The following SHC3 variants were observed in gnomAD, a reference collection of about 807,000 sequenced individuals.
SHC3 encodes the protein SHC adaptor protein 3.
SHC3 carries 15 observed loss-of-function variants against 60.4 expected under a neutral mutation model. The ratio of observed to expected loss-of-function variants is 0.25; its 90% CI spans 0.17 to 0.38. The LOEUF (loss-of-function observed/expected upper bound fraction) is 0.38, where lower values mean the gene tolerates loss of function less well. SHC3 is among the 10% of genes least tolerant of loss of function. SHC3 has a pLI of 1.00. For synonymous variants in SHC3, 294 were observed against 325.9 expected (o/e 0.90, Z 1.05); for missense variants, 677 against 786.1 (o/e 0.86, Z 1.66).
intron 6 of SHC3, among the ~76,000 whole-genome samples, chr9:89,054,035 G>A (rs894193700): frequency 6.6e-6 from 1 of 152,042 alleles, no homozygotes; most frequent in Admixed American, 6.6e-5. Flanking sequence ...AGGGTAGCCT[G>A]TTTTTTTTAA....
At chr9:89,124,004 T>C (rs997058247) in intron 1 of SHC3, among the ~76,000 whole-genome samples, 1 of 152,182 alleles carries the variant, frequency 6.6e-6, no homozygotes, top group East Asian at 1.9e-4. Flanking sequence ...TAAGCAATCA[T>C]TCAATTGTAG....
intron 6 of SHC3, among the ~76,000 whole-genome samples, chr9:89,064,160 C>A (rs1054889948): frequency 2.6e-5 from 4 of 152,212 alleles, no homozygotes; most frequent in African/African-American, 9.6e-5. Context: ...AAGACATCAC[C>A]TTCAATTGGG....
chr9:89,080,199 T>C (rs1825421970), intron 2 of SHC3, among the ~76,000 whole-genome samples: 4 of 152,226 alleles, frequency 2.6e-5, no homozygotes. Context: ...CTTTATGTAG[T>C]TCCACTTAAT....
chr9:89,110,360 G>A lies in SHC3; in HGVS notation c.545+2196C>T, dbSNP rs892867319. ...AGTGCCTTTGGAAACCAGTTTTCCT[G>A]GTGCCTGTATAATATAACTTAATTA... is the stretch of plus-strand genomic sequence containing the variant. On this transcript the variant is annotated intron_variant, in intron 2 of 11. Transcript: ENST00000375835. The A allele has an allele frequency of 8.1e-6, 8 of 984,868 alleles. 1 individual carries two copies. The African/African-American group carries it at 1.4e-4, about 17-fold the overall frequency. The allele number at this position is 984,868 out of a possible 1,614,324, so 61.0% of individuals were successfully genotyped here.
At chr9:89,171,333 G>A (rs1282744998) in intron 1 of SHC3, among the ~76,000 whole-genome samples, 1 of 151,962 alleles carries the variant, frequency 6.6e-6, no homozygotes, top group Non-Finnish European at 1.5e-5. Flanking sequence ...TCAGTAGATT[G>A]CCAAACAATT....
intron 1 of SHC3, among the ~76,000 whole-genome samples, chr9:89,164,238 A>T (rs1162827664): frequency 6.6e-6 from 1 of 152,180 alleles, no homozygotes; most frequent in Non-Finnish European, 1.5e-5. Flanking sequence ...ATAGAGTCTC[A>T]CTTCATATGG....
chr9:89,110,042 T>C, intron 2 of SHC3: 1 of 985,452 alleles, frequency 1.0e-6, no homozygotes, highest in East Asian at 1.1e-4. Flanking sequence ...GATAAATTTC[T>C]CCTCAGAACC....
chr9:89,070,966 T>G (rs1825260583), intron 5 of SHC3, among the ~76,000 whole-genome samples: 1 of 152,168 alleles, frequency 6.6e-6, no homozygotes, highest in South Asian at 2.1e-4. Flanking sequence ...CCTCCAGGAT[T>G]TTTGACAGCT....
In SHC3 at chr9:89,008,793, C is replaced by T. The variant is rs958785550; in HGVS notation, c.*4654G>A. Reference sequence around the variant, plus strand: ...GTCAGCTCTGTCTCTCGGGGTTCCCCGGTGGGATTCAGCTCCAGTTGTGCA... The same window carrying T: ...GTCAGCTCTGTCTCTCGGGGTTCCCTGGTGGGATTCAGCTCCAGTTGTGCA... On this transcript the variant is annotated 3_prime_UTR_variant, in exon 12 of 12. Transcript: ENST00000375835. 3.3e-5 allele frequency: 5 copies of T among 152,184 alleles called. No individual in the cohort carries two copies. The highest frequency in any genetic ancestry group is 9.7e-5 in the African/African-American group (4 of 41,448). The allele number at this position is 152,184 out of a possible 1,614,324, so 9.4% of individuals were successfully genotyped here. A position where few individuals can be genotyped will look rare whatever the true frequency, so the allele number is the denominator to read the frequency against.
At chr9:89,024,269 ATTTG>A (rs1378907977) in intron 11 of SHC3, among the ~76,000 whole-genome samples, 2 of 151,890 alleles carry the variant, frequency 1.3e-5, no homozygotes, top group African/African-American at 4.8e-5. Context: ...TTATTTATGG[ATTTG>A]TTTATTTTTA....
chr9:89,131,255 G>C (rs1328691286), intron 1 of SHC3, among the ~76,000 whole-genome samples: 1 of 152,108 alleles, frequency 6.6e-6, no homozygotes, highest in Non-Finnish European at 1.5e-5. Context: ...CTGAAATTGA[G>C]GCAATTATTA....
Position 89,006,530 on chromosome 9 carries a change from C to CT in SHC3, c.*6916dup, listed in dbSNP as rs911835803. The CT allele has an allele frequency of 4.6e-5, 7 of 152,192 alleles. No individual in the cohort carries two copies. The highest frequency in any genetic ancestry group is 1.7e-4 in the African/African-American group (7 of 41,446). 9.4% of individuals were successfully genotyped at this position (152,192 alleles called of 1,614,324 possible). On this transcript the variant is annotated 3_prime_UTR_variant, in exon 12 of 12. Transcript: ENST00000375835. ...CAAGACATAGACTGTTACAGTAATT[C>CT]TTTTTGTTTCACAAAAGTTAATGGA...
intron 8 of SHC3, among the ~76,000 whole-genome samples, chr9:89,046,545 T>C (rs997953220): frequency 1.3e-5 from 2 of 152,180 alleles, no homozygotes; most frequent in African/African-American, 4.8e-5. Flanking sequence ...TTAAATTCTC[T>C]CTTTCCCTCA....
chr9:89,162,552 G>A (rs1587763895), intron 1 of SHC3, among the ~76,000 whole-genome samples: 1 of 152,178 alleles, frequency 6.6e-6, no homozygotes, highest in African/African-American at 2.4e-5. Context: ...GTAGAAAGCT[G>A]AAACTGGATC....
At position 89,008,921 on chromosome 9, in the gene SHC3, C is replaced by G. The variant is rs1203919391; in HGVS notation, c.*4526G>C. The stretch of plus-strand genomic sequence containing the variant: ...AATAAACTACATAACCTCAAGTCCT[C>G]TCTCAGGGTCTCCTTCTGGAGGAAC... On this transcript the variant is annotated 3_prime_UTR_variant, in exon 12 of 12. Transcript: ENST00000375835. 6.6e-6 allele frequency: 1 copy of G among 152,210 alleles called. No individual in the cohort carries two copies. The highest frequency in any genetic ancestry group is 1.5e-5 in the Non-Finnish European group (1 of 68,040). 9.4% of individuals were successfully genotyped at this position (152,210 alleles called of 1,614,324 possible).
At chr9:89,094,892 G>A (rs1564138550) in intron 2 of SHC3, among the ~76,000 whole-genome samples, 1 of 152,150 alleles carries the variant, frequency 6.6e-6, no homozygotes, top group Non-Finnish European at 1.5e-5. Context: ...AAGCCATGAT[G>A]CGATACCACC....
intron 11 of SHC3, among the ~76,000 whole-genome samples, chr9:89,025,166 AT>A (rs1331477032): frequency 9.2e-5 from 14 of 151,838 alleles, no homozygotes; most frequent in Admixed American, 9.2e-4. Context: ...ACATCTTGTG[AT>A]TAAAACATGA....
At chr9:89,059,530 C>A (rs1318773027) in intron 6 of SHC3, among the ~76,000 whole-genome samples, 2 of 126,874 alleles carry the variant, frequency 1.6e-5, no homozygotes, top group East Asian at 5.2e-4. Context: ...TGGTGGAGGA[C>A]AGTGGTGTAG....
chr9:89,057,357 C>T lies in SHC3; in HGVS notation c.836-5194G>A, dbSNP rs529612718. 1.7e-3 allele frequency among the ~76,000 whole-genome samples: 244 copies of T among 145,290 alleles called. 2 individuals are homozygous for T. The highest frequency in any genetic ancestry group is 5.4e-3 in the African/African-American group (212 of 38,926). ...TTTTAATCAGAGAAGAGTAAGAAAT[C>T]CAACATTCAGCCACCCTGCTATGAT... On this transcript the variant is annotated intron_variant, in intron 6 of 11. Transcript: ENST00000375835.
Sources: gnomAD v4.1 joint callset for allele counts (sites outside exome capture counted in the v4.1 genomes callset) on GRCh38, gnomAD v4.1.1 for gene constraint, MANE v1.5 for transcripts, NCBI Gene and HGNC (gene_info 2026-07-23, HGNC 2026-07-21) for gene names.